Variants in SFMBT1 observed in about 807,000 individuals in gnomAD.
SFMBT1 encodes Scm like with four mbt domains 1, also known as scm-like with four MBT domains protein 1.
In SFMBT1, 32 loss-of-function variants were observed where a neutral mutation model predicts 108.7. The observed-to-expected ratio is 0.29, with a 90% CI of 0.22 to 0.40. The LOEUF (loss-of-function observed/expected upper bound fraction) is 0.40. SFMBT1 is among the 10% of genes least tolerant of loss of function. The pLI is 1.00. For missense variants in SFMBT1, 816 were observed against 1,059.6 expected, an observed-to-expected ratio of 0.77 and a Z score of 3.19; for synonymous variants, 348 against 369.5, an observed-to-expected ratio of 0.94 and a Z score of 0.67.
chr3:52,908,376 T>C (rs926396592), intron 17 of SFMBT1, among the ~76,000 whole-genome samples: 1 of 152,094 alleles, frequency 6.6e-6, no homozygotes, highest in African/African-American at 2.4e-5. Context: ...CCAGCAGCCA[T>C]GTGTGACTTC....
intron 2 of SFMBT1, among the ~76,000 whole-genome samples, chr3:52,967,814 T>C (rs1163493692): frequency 6.6e-6 from 1 of 152,132 alleles, no homozygotes; most frequent in Non-Finnish European, 1.5e-5. Context: ...ACAAAAGTAA[T>C]GACAACACCA....
intron 1 of SFMBT1, among the ~76,000 whole-genome samples, chr3:53,002,180 C>T (rs1698579976): frequency 6.7e-6 from 1 of 149,410 alleles, no homozygotes; most frequent in South Asian, 2.1e-4. Context: ...GCAGGTGGAT[C>T]ACGGGGTTAG....
chr3:53,017,275 T>C (rs922216282), intron 1 of SFMBT1, among the ~76,000 whole-genome samples: 3 of 152,218 alleles, frequency 2.0e-5, no homozygotes, highest in Non-Finnish European at 4.4e-5. Flanking sequence ...AAGAATGTGA[T>C]CTCTGGATAA....
At chr3:53,016,699 T>A (rs1196848466) in intron 1 of SFMBT1, among the ~76,000 whole-genome samples, 1 of 152,230 alleles carries the variant, frequency 6.6e-6, no homozygotes, top group East Asian at 1.9e-4. Flanking sequence ...ATTCTGACAG[T>A]TCTATGTGAT....
intron 1 of SFMBT1, among the ~76,000 whole-genome samples, chr3:53,029,667 T>C (rs1699615253): frequency 6.6e-6 from 1 of 152,230 alleles, no homozygotes; most frequent in South Asian, 2.1e-4. Flanking sequence ...ACAAGCAGCA[T>C]ACATTCAGGC....
At chr3:52,970,833 A>G (rs1479896593) in intron 1 of SFMBT1, among the ~76,000 whole-genome samples, 2 of 152,180 alleles carry the variant, frequency 1.3e-5, no homozygotes, top group Non-Finnish European at 2.9e-5. Context: ...AAAGGACAAT[A>G]GCTTAAAATG....
intron 1 of SFMBT1, among the ~76,000 whole-genome samples, chr3:53,026,345 T>C (rs1485531753): frequency 6.6e-6 from 1 of 152,194 alleles, no homozygotes; most frequent in Non-Finnish European, 1.5e-5. Context: ...AGTTTAATTT[T>C]TAAAATAATA....
intron 10 of SFMBT1, 55 bp from the exon 11 acceptor site, chr3:52,921,886 G>A (rs539656079): frequency 6.5e-5 from 103 of 1,579,212 alleles, no homozygotes; most frequent in South Asian, 6.1e-4. Flanking sequence ...ATTAACTCAC[G>A]TGCTCAGCTA....
At chr3:52,911,381 A>G (rs1702210872) in intron 16 of SFMBT1, among the ~76,000 whole-genome samples, 1 of 152,202 alleles carries the variant, frequency 6.6e-6, no homozygotes, top group South Asian at 2.1e-4. Flanking sequence ...TGACAACTAA[A>G]AGCTGAGTTA....
intron 3 of SFMBT1, among the ~76,000 whole-genome samples, chr3:52,948,082 T>C (rs1294653315): frequency 1.3e-5 from 2 of 152,220 alleles, no homozygotes; most frequent in African/African-American, 4.8e-5. Flanking sequence ...TTAAAGGTCA[T>C]AAGGATCATA....
chr3:53,016,908 T>C (rs1372741634), intron 1 of SFMBT1, among the ~76,000 whole-genome samples: 1 of 152,196 alleles, frequency 6.6e-6, no homozygotes, highest in Non-Finnish European at 1.5e-5. Flanking sequence ...ACATTGGAAA[T>C]TTCTATTTTG....
rs1307553351 is a variant in SFMBT1, at chr3:52,978,052, C to A, written c.-130-8794G>T. Among the ~76,000 whole-genome samples the A allele has an allele frequency of 2.0e-5, 3 of 152,226 alleles. 1 individual carries two copies. Among genetic ancestry groups the A allele is most frequent in the East Asian group, 1.9e-4 (1 of 5,174 alleles). ...ATCAGTGAAGAAAACAGACCAAAAT[C>A]TCTGCCCTCATGAAGCTTATATTTT... is the stretch of plus-strand genomic sequence containing the variant. On this transcript the variant is annotated intron_variant, in intron 1 of 20. Coordinates refer to ENST00000394752, the MANE Select transcript of SFMBT1 (RefSeq NM_016329.4).
At position 53,039,711 on chromosome 3, in the gene SFMBT1, T is replaced by C. The variant is rs1440866717; in HGVS notation, c.-131+6105A>G. On this transcript the variant is annotated intron_variant, in intron 1 of 20. Transcript: ENST00000394752. ...GTGCAGTGATGTCATCTCAGCTCAC[T>C]GCAACCCCCACCTCCTGGGTTCAAG... 4.6e-5 allele frequency among the ~76,000 whole-genome samples: 7 copies of C among 152,316 alleles called. No individual in the cohort carries two copies. The East Asian group carries it at 1.3e-3, about 29-fold the overall frequency.
At chr3:52,978,015 AAT>A (rs1393470422) in intron 1 of SFMBT1, among the ~76,000 whole-genome samples, 2 of 152,188 alleles carry the variant, frequency 1.3e-5, no homozygotes, top group Non-Finnish European at 2.9e-5. Flanking sequence ...AATAAAAAAA[AAT>A]TAGAGATATA....
intron 6 of SFMBT1, among the ~76,000 whole-genome samples, chr3:52,931,666 C>T (rs1423131609): frequency 2.0e-5 from 3 of 151,978 alleles, no homozygotes; most frequent in African/African-American, 7.3e-5. Context: ...ATGGTGAAAC[C>T]CCATCTCTAC....
chr3:52,983,000 A>G (rs1704769795), intron 1 of SFMBT1, among the ~76,000 whole-genome samples: 1 of 152,210 alleles, frequency 6.6e-6, no homozygotes, highest in Admixed American at 6.5e-5. Context: ...GTGGAAGAGG[A>G]GTTGATACCA....
intron 1 of SFMBT1, among the ~76,000 whole-genome samples, chr3:52,991,342 CTTTT>C (rs71087045): frequency 4.4e-5 from 4 of 91,216 alleles, no homozygotes; most frequent in East Asian, 3.5e-4. Context: ...GCTGAAACTT[CTTTT>C]TTTTTTTTTT....
At chr3:52,980,519 G>A (rs919269379) in intron 1 of SFMBT1, among the ~76,000 whole-genome samples, 5 of 152,228 alleles carry the variant, frequency 3.3e-5, no homozygotes, top group South Asian at 2.1e-4. Flanking sequence ...GATGCTGGAC[G>A]TGCTTTCAAG....
At chr3:52,907,339 A>G (rs909768110) in intron 18 of SFMBT1, 25 bp from the exon 19 acceptor site, 2 of 1,590,132 alleles carry the variant, frequency 1.3e-6, no homozygotes, top group Admixed American at 1.8e-5. Flanking sequence ...GAGAAGTCTC[A>G]TTGAAATTCA....
Sources: gnomAD v4.1 joint callset for allele counts (sites outside exome capture counted in the v4.1 genomes callset) on GRCh38, gnomAD v4.1.1 for gene constraint, MANE v1.5 for transcripts, NCBI Gene and HGNC (gene_info 2026-07-23, HGNC 2026-07-21) for gene names.